The following MYO1H variants were observed in gnomAD, a reference collection of about 807,000 sequenced individuals.
MYO1H encodes myosin IH.
A neutral mutation model predicts 149.3 loss-of-function variants in MYO1H; 118 were observed. The observed-to-expected ratio is 0.79, with a 90% CI of 0.68 to 0.92. The LOEUF (loss-of-function observed/expected upper bound fraction) is 0.92. MYO1H is among the 40% of genes least tolerant of loss of function. MYO1H has a pLI of 0.00. For synonymous variants in MYO1H, 447 were observed against 465.2 expected, an observed-to-expected ratio of 0.96 and a Z score of 0.50; for missense variants, 1,212 against 1,280.7, an observed-to-expected ratio of 0.95 and a Z score of 0.82.
In MYO1H at chr12:109,447,147, A is replaced by T; in HGVS notation, c.3094-12A>T. ...GGGAAGGGCTGTAAACCGAAGTGTGACTCTCTCCCAGGTGTCAGTCCGGAG... is the reference window on the plus strand; with the variant it reads ...GGGAAGGGCTGTAAACCGAAGTGTGTCTCTCTCCCAGGTGTCAGTCCGGAG... On this transcript the variant is annotated splice_polypyrimidine_tract_variant and intron_variant, in intron 31 of 31. Coordinates refer to ENST00000310903, the Ensembl canonical transcript of MYO1H. The T allele has an allele frequency of 6.3e-7, 1 of 1,595,868 alleles. No homozygotes were observed. Among genetic ancestry groups the T allele is most frequent in the Non-Finnish European group, 8.5e-7 (1 of 1,170,550 alleles).
rs762544542 is a variant in MYO1H at position 109,425,996 on chromosome 12, C to G, written c.1776C>G (p.Ile592Met). ...TGAGCAGCCTTCTAGAAACCCTCAT[C>G]TCTAAGGAGCCCTCCTACATCCGTT... The change falls in exon 18 of 32, where the codon ATC becomes ATG. Residue 592 changes from isoleucine (I) to methionine (M), a missense_variant. Coordinates refer to ENST00000310903, the Ensembl canonical transcript of MYO1H. The G allele has an allele frequency of 1.5e-5, 24 of 1,613,814 alleles. No homozygotes were observed. The highest frequency in any genetic ancestry group is 2.0e-5 in the Non-Finnish European group (24 of 1,179,862).
the MYO1H span, among the ~76,000 whole-genome samples, chr12:109,330,713 C>T: frequency 2.6e-5 from 4 of 152,094 alleles, no homozygotes; most frequent in Admixed American, 6.6e-5. Flanking sequence ...AGTTCTAGAA[C>T]GAAACACCAC....
intron 9 of MYO1H, 90 bp downstream of exon 9, chr12:109,406,950 CAA>C: frequency 2.5e-6 from 3 of 1,185,914 alleles, no homozygotes; most frequent in Non-Finnish European, 3.7e-6. Context: ...CAGGGGAGGC[CAA>C]ACCTTTGATC....
In MYO1H at chr12:109,408,996, G is replaced by A. The variant is rs1319199577; in HGVS notation, c.1156-561G>A. Among the ~76,000 whole-genome samples, 7 of 151,922 alleles carry A rather than the reference G, an allele frequency of 4.6e-5. No homozygotes were observed. The East Asian group carries it at 1.2e-3, about 25-fold the overall frequency. ...AGTAGAAATGGGGTTTCGCCATGTT[G>A]GCCAGGCTGGTCTCAAACTCCTGGC... On this transcript the variant is annotated intron_variant, in intron 10 of 31. Coordinates refer to ENST00000310903, the Ensembl canonical transcript of MYO1H.
At chr12:109,417,429 G>A (rs1325272511) in intron 15 of MYO1H, among the ~76,000 whole-genome samples, 3 of 151,978 alleles carry the variant, frequency 2.0e-5, no homozygotes, top group Non-Finnish European at 2.9e-5. Context: ...CTGGGTTCAC[G>A]CCATTCTCCT....
intron 27 of MYO1H, among the ~76,000 whole-genome samples, chr12:109,443,127 T>TATATGTGTGTATGTGTAC (rs1566044965): frequency 1.5e-4 from 2 of 13,282 alleles, no homozygotes; most frequent in Non-Finnish European, 2.5e-4. Context: ...TATGTGTACG[T>TATATGTGTGTATGTGTAC]ATATATGTGT....
At chr12:109,323,329 G>A in the MYO1H span, among the ~76,000 whole-genome samples, 3 of 152,136 alleles carry the variant, frequency 2.0e-5, no homozygotes, top group African/African-American at 7.2e-5. Context: ...CTATGCACTC[G>A]GGTTCCATTG....
chr12:109,435,196 T>A, intron 21 of MYO1H, 83 bp downstream of exon 21: 1 of 863,824 alleles, frequency 1.2e-6, no homozygotes. Flanking sequence ...AACACGGGTG[T>A]TTGATATAGT....
rs761048115 is a variant in MYO1H, at chr12:109,428,807, C to A, written c.1949+1221C>A. On this transcript the variant is annotated intron_variant, in intron 19 of 31. Coordinates refer to ENST00000310903, the Ensembl canonical transcript of MYO1H. The stretch of plus-strand genomic sequence containing the variant: ...CAGCCACTGCCCACCTCACCCCCCT[C>A]CAAACATATACACACTTGATGTTCC... Among the ~76,000 whole-genome samples, 490 of 55,286 alleles carry A rather than the reference C, an allele frequency of 8.9e-3. 7 individuals carry two copies. The highest frequency in any genetic ancestry group is 3.8e-3 in the Non-Finnish European group (88 of 22,956). 36.3% of individuals were successfully genotyped at this position (55,286 alleles called of 152,430 possible).
At chr12:109,366,937 T>C (rs1192338614) in intron 1 of MYO1H, among the ~76,000 whole-genome samples, 1 of 152,244 alleles carries the variant, frequency 6.6e-6, no homozygotes, top group Admixed American at 6.5e-5. Flanking sequence ...TGGAGAATTT[T>C]GGATTTCAGA....
intron 17 of MYO1H, among the ~76,000 whole-genome samples, chr12:109,425,482 C>A (rs973487376): frequency 1.3e-5 from 2 of 152,206 alleles, no homozygotes; most frequent in Admixed American, 6.5e-5. Flanking sequence ...GTGCCAGGCA[C>A]AGGGATTCAG....
At chr12:109,443,022 A>G (rs1241522709) in intron 27 of MYO1H, among the ~76,000 whole-genome samples, 2 of 113,846 alleles carry the variant, frequency 1.8e-5, no homozygotes, top group African/African-American at 7.1e-5. Context: ...ATATATATAT[A>G]TATATATGTG....
chr12:109,417,945 A>C (rs902052386), intron 15 of MYO1H, among the ~76,000 whole-genome samples: 6 of 151,304 alleles, frequency 4.0e-5, no homozygotes, highest in African/African-American at 1.5e-4. Flanking sequence ...CCTCCCGAGT[A>C]GCTGGGACTA....
the MYO1H span, among the ~76,000 whole-genome samples, chr12:109,323,741 C>T: frequency 2.0e-5 from 3 of 152,236 alleles, no homozygotes; most frequent in South Asian, 2.1e-4. Context: ...AGTAACGAGT[C>T]GGGGTTTGAT....
chr12:109,440,037 C>CTTTT (rs36004400), intron 24 of MYO1H, among the ~76,000 whole-genome samples: 1 of 143,164 alleles, frequency 7.0e-6, no homozygotes. Context: ...AAACAGAGCA[C>CTTTT]TTTTTTTTTT....
chr12:109,407,813 T>C (rs1431164145), exon 10 of MYO1H: 2 of 1,613,774 alleles, frequency 1.2e-6, no homozygotes, highest in Non-Finnish European at 1.7e-6. Flanking sequence ...CCGTTGACAC[T>C]AGAACTCTCT....
At chr12:109,401,512 C>T in intron 6 of MYO1H, 1 of 413,968 alleles carries the variant, frequency 2.4e-6, no homozygotes, top group Admixed American at 3.9e-5. Context: ...CTGGCTGAAA[C>T]TAGAATCACC....
At chr12:109,320,694 C>T in the MYO1H span, among the ~76,000 whole-genome samples, 1 of 151,024 alleles carries the variant, frequency 6.6e-6, no homozygotes, top group Non-Finnish European at 1.5e-5. Context: ...TGCCTCATCT[C>T]ATATACAAAG....
At position 109,426,097 on chromosome 12, in the gene MYO1H, G is replaced by A. The variant is rs775211630; in HGVS notation, c.1831+46G>A. 18 of 1,444,150 alleles carry A rather than the reference G, an allele frequency of 1.2e-5. No homozygotes were observed. In the African/African-American group the frequency reaches 2.1e-4, roughly 17 times the overall value. 89.5% of individuals were successfully genotyped at this position (1,444,150 alleles called of 1,614,324 possible). A position where few individuals can be genotyped will look rare whatever the true frequency, so the allele number is the denominator to read the frequency against. ...AACTGGGCTCAGGGAAAGGAGGCTG[G>A]GAGCCAAAGCAAGGTGGCAGTGGGT... On this transcript the variant is annotated intron_variant, in intron 18 of 31. Transcript: ENST00000310903.
Sources: gnomAD v4.1 joint callset for allele counts (sites outside exome capture counted in the v4.1 genomes callset) on GRCh38, gnomAD v4.1.1 for gene constraint, MANE v1.5 for transcripts, NCBI Gene and HGNC (gene_info 2026-07-23, HGNC 2026-07-21) for gene names.